The following PPP1R9A variants were observed in gnomAD, a reference collection of about 807,000 sequenced individuals.
PPP1R9A encodes the protein neurabin-1.
PPP1R9A carries 59 observed loss-of-function variants against 141.9 expected under a neutral mutation model. The observed-to-expected ratio is 0.42, with a 90% CI of 0.34 to 0.52. PPP1R9A has a LOEUF of 0.52. Ranked by LOEUF, PPP1R9A falls within the 20% of genes least tolerant of loss-of-function variation. The pLI is 0.10. For synonymous variants in PPP1R9A, 500 were observed against 569.7 expected (o/e 0.88, Z 1.74); for missense variants, 1,444 against 1,611.9 (o/e 0.90, Z 1.78).
intron 2 of PPP1R9A, among the ~76,000 whole-genome samples, chr7:95,018,761 G>T (rs143548326): frequency 6.6e-6 from 1 of 152,152 alleles, no homozygotes; most frequent in Admixed American, 6.5e-5. Context: ...GGCGTTGGTG[G>T]TTAAGGAGGA....
rs148950500 is a variant in PPP1R9A, at chr7:95,079,098, C to T, written c.1396-32161C>T. On this transcript the variant is annotated intron_variant, in intron 2 of 19. Coordinates refer to ENST00000433360, the MANE Select transcript of PPP1R9A (RefSeq NM_001166160.2). Reference sequence around the variant, plus strand: ...TGGTAATGCCTAGGTTTTCTTCTAGCGTATTTATGGTTTTAGGTCTAACGT... The same window carrying T: ...TGGTAATGCCTAGGTTTTCTTCTAGTGTATTTATGGTTTTAGGTCTAACGT... Among the ~76,000 whole-genome samples the T allele has an allele frequency of 6.3e-3, 957 of 152,202 alleles. 9 individuals are homozygous for T. The highest frequency in any genetic ancestry group is 0.022 in the African/African-American group (910 of 41,522).
At chr7:95,243,612 T>C (rs1440681873) in intron 8 of PPP1R9A, among the ~76,000 whole-genome samples, 1 of 151,944 alleles carries the variant, frequency 6.6e-6, no homozygotes, top group Non-Finnish European at 1.5e-5. Flanking sequence ...GAAAAATATA[T>C]CCCAAAGCAA....
chr7:94,917,817 G>A (rs1012455156), intron 2 of PPP1R9A, among the ~76,000 whole-genome samples: 2 of 152,134 alleles, frequency 1.3e-5, no homozygotes, highest in Non-Finnish European at 2.9e-5. Flanking sequence ...AAATTTGGAG[G>A]AAAATCACTT....
Position 95,104,189 on chromosome 7 carries a change from G to T in PPP1R9A, c.1396-7070G>T, listed in dbSNP as rs748697227. On this transcript the variant is annotated intron_variant, in intron 2 of 19. Transcript: ENST00000433360. ...CTAGACTTTGGGTCAGGCGAGGCTT[G>T]CAGATTAACAGCTTTTGGAGTAATA... Among the ~76,000 whole-genome samples the T allele has an allele frequency of 2.0e-5, 3 of 152,200 alleles. No individual in the cohort carries two copies. In the East Asian group the frequency reaches 5.8e-4, roughly 29 times the overall value.
chr7:95,266,920 G>A (rs768055228), intron 12 of PPP1R9A, among the ~76,000 whole-genome samples: 25 of 152,084 alleles, frequency 1.6e-4, no homozygotes, highest in Non-Finnish European at 3.2e-4. Flanking sequence ...AAATTAAAGT[G>A]ATCAAGGAAT....
chr7:94,956,968 G>A (rs1797138673), intron 2 of PPP1R9A, among the ~76,000 whole-genome samples: 1 of 152,110 alleles, frequency 6.6e-6, no homozygotes, highest in African/African-American at 2.4e-5. Flanking sequence ...AAATGTACGT[G>A]ATCAGTTTGA....
At chr7:95,004,829 G>C (rs921604417) in intron 2 of PPP1R9A, among the ~76,000 whole-genome samples, 2 of 152,188 alleles carry the variant, frequency 1.3e-5, no homozygotes, top group African/African-American at 4.8e-5. Flanking sequence ...CTTTGCTGCT[G>C]CACGTTGTCA....
At chr7:94,993,962 G>T (rs914810346) in intron 2 of PPP1R9A, among the ~76,000 whole-genome samples, 1 of 152,118 alleles carries the variant, frequency 6.6e-6, no homozygotes, top group South Asian at 2.1e-4. Flanking sequence ...GGGAGGAAAA[G>T]AAATATCTTT....
At chr7:95,242,312 ATTAG>A (rs765972282) in intron 8 of PPP1R9A, among the ~76,000 whole-genome samples, 1 of 152,186 alleles carries the variant, frequency 6.6e-6, no homozygotes, top group Non-Finnish European at 1.5e-5. Context: ...CTATGCAAAT[ATTAG>A]TTATTGATTT....
At chr7:95,105,347 C>T (rs575559709) in intron 2 of PPP1R9A, among the ~76,000 whole-genome samples, 14 of 152,212 alleles carry the variant, frequency 9.2e-5, no homozygotes, top group African/African-American at 3.1e-4. Context: ...TTGGGTTGTT[C>T]GTTCAGAAAT....
intron 2 of PPP1R9A, among the ~76,000 whole-genome samples, chr7:95,104,794 T>G (rs1819281489): frequency 1.3e-5 from 2 of 152,186 alleles, no homozygotes; most frequent in African/African-American, 4.8e-5. Flanking sequence ...CCAGGTTGGT[T>G]TTTGGAATGT....
intron 2 of PPP1R9A, among the ~76,000 whole-genome samples, chr7:95,087,091 GCTGA>G (rs1161306023): frequency 1.3e-5 from 2 of 151,816 alleles, no homozygotes; most frequent in African/African-American, 4.9e-5. Context: ...AAAGCATAAG[GCTGA>G]CCCATTTTAC....
At chr7:95,126,344 A>C (rs1165783040) in intron 4 of PPP1R9A, among the ~76,000 whole-genome samples, 1 of 152,140 alleles carries the variant, frequency 6.6e-6, no homozygotes, top group African/African-American at 2.4e-5. Flanking sequence ...AATCCAATTT[A>C]TGTATTTTCA....
rs1166550834 is a variant in PPP1R9A, at chr7:95,094,879, C to CAA, written c.1396-16355_1396-16354dup. ...TGGGCGACAGAGGGAGACTGCGTCT[C>CAA]AAAAAAAAAAAAAAAAAAAAAAAAA... On this transcript the variant is annotated intron_variant, in intron 2 of 19. Coordinates refer to ENST00000433360, the MANE Select transcript of PPP1R9A (RefSeq NM_001166160.2). Among the ~76,000 whole-genome samples, 253 of 44,922 alleles carry CAA rather than the reference C, an allele frequency of 5.6e-3. 15 individuals carry two copies. Among genetic ancestry groups the CAA allele is most frequent in the African/African-American group, 0.015 (209 of 13,910 alleles). The allele number at this position is 44,922 out of a possible 152,430, so 29.5% of individuals were successfully genotyped here.
chr7:94,950,020 A>T (rs1796302068), intron 2 of PPP1R9A, among the ~76,000 whole-genome samples: 1 of 151,896 alleles, frequency 6.6e-6, no homozygotes, highest in African/African-American at 2.4e-5. Context: ...TTACCTAAAA[A>T]TTATGAAGGA....
At chr7:95,070,779 A>G (rs1423051932) in intron 2 of PPP1R9A, among the ~76,000 whole-genome samples, 2 of 151,590 alleles carry the variant, frequency 1.3e-5, no homozygotes, top group Non-Finnish European at 2.9e-5. Flanking sequence ...TTTTAGAGTC[A>G]TTATCTAATT....
rs201164911 is a variant in PPP1R9A at position 95,175,499 on chromosome 7, TA to T, written c.1754+13541del. Reference sequence around the variant, plus strand: ...AAAATATTCTATAACCCTTTGCCTTTAAAAAAAAAAAAACTTAAAAGACATG... The same window carrying T: ...AAAATATTCTATAACCCTTTGCCTTTAAAAAAAAAAAACTTAAAAGACATG... On this transcript the variant is annotated intron_variant, in intron 5 of 19. Coordinates refer to ENST00000433360, the MANE Select transcript of PPP1R9A (RefSeq NM_001166160.2). Among the ~76,000 whole-genome samples, 456 of 144,144 alleles carry T rather than the reference TA, an allele frequency of 3.2e-3. 4 individuals carry two copies. Among genetic ancestry groups the T allele is most frequent in the South Asian group, 0.016 (75 of 4,572 alleles). 94.6% of individuals were successfully genotyped at this position (144,144 alleles called of 152,430 possible). A position where few individuals can be genotyped will look rare whatever the true frequency, so the allele number is the denominator to read the frequency against.
intron 3 of PPP1R9A, among the ~76,000 whole-genome samples, chr7:95,114,701 A>G (rs949733433): frequency 6.6e-6 from 1 of 152,116 alleles, no homozygotes; most frequent in Non-Finnish European, 1.5e-5. Context: ...GTGGGTTAAT[A>G]TAATGAACTC....
rs1196641207 is a variant in PPP1R9A, at chr7:95,086,591, A to G, written c.1396-24668A>G. On this transcript the variant is annotated intron_variant, in intron 2 of 19. Coordinates refer to ENST00000433360, the MANE Select transcript of PPP1R9A (RefSeq NM_001166160.2). ...CTAAGGGGACTTTGTAGTCAGTTCT[A>G]AATTCTAGAATGGGGAAACAGGGAA... Among the ~76,000 whole-genome samples the G allele has an allele frequency of 2.0e-5, 3 of 152,128 alleles. No homozygotes were observed. In the East Asian group the frequency reaches 5.8e-4, roughly 29 times the overall value.
Sources: gnomAD v4.1 joint callset for allele counts (sites outside exome capture counted in the v4.1 genomes callset) on GRCh38, gnomAD v4.1.1 for gene constraint, MANE v1.5 for transcripts, NCBI Gene and HGNC (gene_info 2026-07-23, HGNC 2026-07-21) for gene names.